The following CAPN9 variants were observed in gnomAD, a reference collection of about 807,000 sequenced individuals.
CAPN9 encodes the protein calpain-9.
A neutral mutation model predicts 92.8 loss-of-function variants in CAPN9; 81 were observed. The ratio of observed to expected loss-of-function variants is 0.87; its 90% confidence interval spans 0.73 to 1.05. CAPN9 has a LOEUF of 1.05. Ranked by LOEUF, CAPN9 falls within the 50% of genes least tolerant of loss-of-function variation. CAPN9 has a pLI of 0.00. For missense variants in CAPN9, 848 were observed against 866.2 expected (o/e 0.98, Z 0.26); for synonymous variants, 304 against 328.0 (o/e 0.93, Z 0.79).
At chr1:230,760,765 G>A (rs1665581772) in intron 3 of CAPN9, among the ~76,000 whole-genome samples, 1 of 152,206 alleles carries the variant, frequency 6.6e-6, no homozygotes. Context: ...GGCGCCCCCA[G>A]GAGCCGGTCT....
At chr1:230,768,013 TAAA>T (rs1666101894) in intron 5 of CAPN9, among the ~76,000 whole-genome samples, 1 of 16,680 alleles carries the variant, frequency 6.0e-5, no homozygotes, top group African/African-American at 3.4e-4. Flanking sequence ...TAAAGTATAA[TAAA>T]TAAATAAATA....
chr1:230,757,048 G>T (rs1665275746), intron 2 of CAPN9, among the ~76,000 whole-genome samples: 1 of 133,592 alleles, frequency 7.5e-6, no homozygotes, highest in South Asian at 2.4e-4. Flanking sequence ...AAGGAAGGAA[G>T]GAAGGAAGGA....
Position 230,801,949 on chromosome 1 carries a change from C to A in CAPN9, c.*353C>A. The A allele has an allele frequency of 3.3e-6, 1 of 306,018 alleles. No homozygotes were observed. Among genetic ancestry groups the A allele is most frequent in the Non-Finnish European group, 6.1e-6 (1 of 163,660 alleles). 19.0% of individuals were successfully genotyped at this position (306,018 alleles called of 1,614,324 possible). On this transcript the variant is annotated 3_prime_UTR_variant, in exon 20 of 20. Coordinates refer to ENST00000271971, the MANE Select transcript of CAPN9 (RefSeq NM_006615.3). ...ATCCTGACTTCCATGTAGCTCCAGT[C>A]ATTGTGATCAGACATCCTTTATAAA...
intron 18 of CAPN9, chr1:230,795,530 T>C: frequency 2.4e-6 from 1 of 420,274 alleles, no homozygotes; most frequent in Non-Finnish European, 4.4e-6. Context: ...GATGATGGGC[T>C]GGGGCAGGTT....
chr1:230,755,509 G>T, intron 2 of CAPN9, 103 bp downstream of exon 2: 2 of 817,058 alleles, frequency 2.4e-6, no homozygotes, highest in Non-Finnish European at 3.9e-6. Context: ...GCACGGGGCT[G>T]GGGGAACAAC....
intron 4 of CAPN9, 42 bp from the exon 5 acceptor site, chr1:230,767,499 T>G (rs754842123): frequency 1.5e-5 from 23 of 1,551,394 alleles, no homozygotes; most frequent in Non-Finnish European, 1.9e-5. Flanking sequence ...GTGGCCTCCC[T>G]AGGTCCCTGA....
rs57738295 is a variant in CAPN9 at position 230,789,473 on chromosome 1, C to CAA, written c.1600-633_1600-632dup. ...TGGATGACAGAGCAAGACCCTGTAT[C>CAA]AAAAAAAAAAAAAAAAAAAAAAAAA... On this transcript the variant is annotated intron_variant, in intron 13 of 19. Coordinates refer to ENST00000271971, the MANE Select transcript of CAPN9 (RefSeq NM_006615.3). Among the ~76,000 whole-genome samples, 298 of 66,254 alleles carry CAA rather than the reference C, an allele frequency of 4.5e-3. 6 individuals are homozygous for CAA. Among genetic ancestry groups the CAA allele is most frequent in the Middle Eastern group, 0.016 (2 of 124 alleles). The allele number at this position is 66,254 out of a possible 152,430, so 43.5% of individuals were successfully genotyped here. A position where few individuals can be genotyped will look rare whatever the true frequency, so the allele number is the denominator to read the frequency against.
At chr1:230,795,971 C>T (rs1056338291) in intron 18 of CAPN9, among the ~76,000 whole-genome samples, 6 of 151,130 alleles carry the variant, frequency 4.0e-5, no homozygotes, top group African/African-American at 1.5e-4. Flanking sequence ...CCATTTTGTC[C>T]TGCTTGGTAT....
chr1:230,760,892 A>AAACCAG (rs150475825), intron 3 of CAPN9, among the ~76,000 whole-genome samples: 1 of 137,768 alleles, frequency 7.3e-6, no homozygotes, highest in African/African-American at 2.5e-5. Context: ...TACTGCCTCT[A>AAACCAG]AACCAGAACC....
intron 14 of CAPN9, among the ~76,000 whole-genome samples, chr1:230,790,785 AAC>A (rs954338016): frequency 6.6e-6 from 1 of 151,834 alleles, no homozygotes; most frequent in South Asian, 2.1e-4. Context: ...ACTAAAAATA[AAC>A]ACACACACAC....
At chr1:230,793,772 T>A (rs1000977118) in intron 17 of CAPN9, among the ~76,000 whole-genome samples, 2 of 152,296 alleles carry the variant, frequency 1.3e-5, no homozygotes, top group East Asian at 3.9e-4. Flanking sequence ...GAAAATCAGA[T>A]GATTTATAAA....
intron 2 of CAPN9, among the ~76,000 whole-genome samples, chr1:230,757,328 C>T (rs1432363032): frequency 1.3e-5 from 2 of 152,212 alleles, no homozygotes; most frequent in Non-Finnish European, 1.5e-5. Flanking sequence ...TGCCTCCCTT[C>T]CCCTCGACCC....
chr1:230,785,338 G>A (rs891194261), intron 11 of CAPN9, among the ~76,000 whole-genome samples: 1 of 152,198 alleles, frequency 6.6e-6, no homozygotes, highest in Non-Finnish European at 1.5e-5. Context: ...AGAAGGACAT[G>A]AGATTTGAGG....
intron 4 of CAPN9, among the ~76,000 whole-genome samples, chr1:230,766,479 T>C (rs1665991871): frequency 6.6e-6 from 1 of 152,150 alleles, no homozygotes; most frequent in African/African-American, 2.4e-5. Context: ...AGACAAATTC[T>C]AATCCTGCAG....
At position 230,779,137 on chromosome 1, in the gene CAPN9, G is replaced by C. The variant is rs201665088; in HGVS notation, c.1114+4G>C. 1 of 1,611,872 alleles carries C rather than the reference G, an allele frequency of 6.2e-7. No homozygotes were observed. The highest frequency in any genetic ancestry group is 1.7e-5 in the Admixed American group (1 of 59,990). ...GGGGGCTGCCGCAATTTCCTGGGTA[G>C]GTAGGCTGCCTGTCACTCTCTCTGC... On this transcript the variant is annotated splice_donor_region_variant and intron_variant, in intron 9 of 19. Coordinates refer to ENST00000271971, the MANE Select transcript of CAPN9 (RefSeq NM_006615.3).
chr1:230,756,093 T>TA (rs1325986237), intron 2 of CAPN9, among the ~76,000 whole-genome samples: 1 of 152,136 alleles, frequency 6.6e-6, no homozygotes, highest in Non-Finnish European at 1.5e-5. Flanking sequence ...GACTTTCTTT[T>TA]AAAAAATACC....
intron 4 of CAPN9, 31 bp from the exon 5 acceptor site, chr1:230,767,510 C>T: frequency 6.4e-7 from 1 of 1,574,712 alleles, no homozygotes; most frequent in Non-Finnish European, 8.6e-7. Flanking sequence ...AGGTCCCTGA[C>T]TCTCTCCTCT....
chr1:230,760,098 G>A (rs937297545), intron 3 of CAPN9, among the ~76,000 whole-genome samples: 2 of 152,084 alleles, frequency 1.3e-5, no homozygotes, highest in East Asian at 1.9e-4. Flanking sequence ...CGTGTGACCC[G>A]CAGACCCTCA....
chr1:230,772,767 G>GA (rs1412279069), intron 7 of CAPN9, among the ~76,000 whole-genome samples: 15 of 144,568 alleles, frequency 1.0e-4, no homozygotes, highest in Non-Finnish European at 2.3e-4. Context: ...TTTTTTAAAG[G>GA]AAAAAAAATA....
Sources: allele counts gnomAD v4.1 joint callset (sites outside exome capture counted in the v4.1 genomes callset), GRCh38; gene constraint gnomAD v4.1.1; transcripts MANE v1.5; gene names NCBI Gene and HGNC (gene_info 2026-07-23, HGNC 2026-07-21).